Variants in RSPO2 observed in about 807,000 individuals in gnomAD.
RSPO2 encodes the protein R-spondin 2.
A neutral mutation model predicts 30.9 loss-of-function variants in RSPO2; 14 were observed. The ratio of observed to expected loss-of-function variants is 0.45; its 90% CI spans 0.30 to 0.71. The LOEUF (loss-of-function observed/expected upper bound fraction) is 0.71. Among genes scored for constraint, RSPO2 ranks in the 30% least tolerant of loss-of-function variants. The pLI, the probability that RSPO2 is intolerant of heterozygous loss-of-function variation, is 0.08. For missense variants in RSPO2, 264 were observed against 301.9 expected (o/e 0.87, Z 0.93); for synonymous variants, 107 against 96.4 (o/e 1.11, Z -0.64).
At chr8:108,019,210 C>T (rs997810135) in intron 2 of RSPO2, among the ~76,000 whole-genome samples, 5 of 151,890 alleles carry the variant, frequency 3.3e-5, no homozygotes, top group African/African-American at 7.3e-5. Context: ...AAAAATTATC[C>T]GGCTGTGGTG....
intron 2 of RSPO2, among the ~76,000 whole-genome samples, chr8:108,055,371 C>A (rs1812212413): frequency 6.6e-6 from 1 of 152,012 alleles, no homozygotes; most frequent in Admixed American, 6.6e-5. Context: ...GGCTTCCAGG[C>A]TAGGCGAGGA....
intron 5 of RSPO2, among the ~76,000 whole-genome samples, chr8:107,913,003 G>C (rs559771293): frequency 6.6e-6 from 1 of 152,144 alleles, no homozygotes; most frequent in South Asian, 2.1e-4. Context: ...TGATACATAA[G>C]AGCTGCACAT....
intron 2 of RSPO2, among the ~76,000 whole-genome samples, chr8:108,044,866 G>A (rs112280698): frequency 0.017 from 2,595 of 152,190 alleles, 39 homozygotes; most frequent in South Asian, 0.03. Context: ...TGGATAGCTG[G>A]TTAGCTATAT....
At chr8:108,082,066 C>T (rs528135594) in intron 2 of RSPO2, 9 of 225,442 alleles carry the variant, frequency 4.0e-5, no homozygotes, top group Non-Finnish European at 5.9e-5. Flanking sequence ...ACACCACACA[C>T]ACACTATGCT....
intron 2 of RSPO2, among the ~76,000 whole-genome samples, chr8:108,000,057 G>A (rs545646036): frequency 3.0e-4 from 46 of 152,246 alleles, no homozygotes; most frequent in African/African-American, 9.1e-4. Context: ...TAATTAAGAC[G>A]TCACAGGGCA....
intron 3 of RSPO2, among the ~76,000 whole-genome samples, chr8:107,978,846 CA>C (rs1180239262): frequency 6.6e-6 from 1 of 152,084 alleles, no homozygotes; most frequent in Admixed American, 6.5e-5. Flanking sequence ...AAAAAACAAA[CA>C]ACCCCATCAA....
chr8:107,916,422 A>C (rs910451034), intron 5 of RSPO2, among the ~76,000 whole-genome samples: 1 of 152,188 alleles, frequency 6.6e-6, no homozygotes. Context: ...GTACATAATT[A>C]AAATCACTTA....
At chr8:107,939,453 C>T (rs1024577460) in intron 5 of RSPO2, among the ~76,000 whole-genome samples, 25 of 147,096 alleles carry the variant, frequency 1.7e-4, no homozygotes, top group Admixed American at 8.3e-4. Context: ...TTACACCAAA[C>T]GACAATTTAA....
chr8:108,058,191 T>C (rs1029286255), intron 2 of RSPO2, among the ~76,000 whole-genome samples: 2 of 152,128 alleles, frequency 1.3e-5, no homozygotes, highest in African/African-American at 4.8e-5. Context: ...TCACAAGCAT[T>C]CTTATACACC....
chr8:107,980,264 G>C (rs920314496), intron 3 of RSPO2, among the ~76,000 whole-genome samples: 27 of 151,956 alleles, frequency 1.8e-4, no homozygotes, highest in African/African-American at 6.5e-4. Flanking sequence ...GCCCTGCCTA[G>C]TATATCAGCA....
intron 2 of RSPO2, among the ~76,000 whole-genome samples, chr8:108,055,245 G>A (rs908077595): frequency 1.3e-5 from 2 of 152,214 alleles, no homozygotes; most frequent in African/African-American, 4.8e-5. Context: ...AACAGCAAAT[G>A]CAAAGGTAAT....
intron 2 of RSPO2, among the ~76,000 whole-genome samples, chr8:108,038,582 A>T (rs1245730945): frequency 6.6e-6 from 1 of 152,192 alleles, no homozygotes; most frequent in Non-Finnish European, 1.5e-5. Context: ...ATTTCATTAA[A>T]GGAAGAGTCC....
intron 5 of RSPO2, among the ~76,000 whole-genome samples, chr8:107,932,139 A>G (rs1291472046): frequency 2.6e-5 from 4 of 152,198 alleles, no homozygotes; most frequent in Non-Finnish European, 5.9e-5. Context: ...ATAAATACCT[A>G]TTCTCCTAGA....
rs1009518725 is a variant in RSPO2 at position 107,982,908 on chromosome 8, T to C, written c.283+6148A>G. Among the ~76,000 whole-genome samples the C allele has an allele frequency of 2.6e-5, 4 of 152,184 alleles. No homozygotes were observed. In the East Asian group the frequency reaches 7.7e-4, roughly 29 times the overall value. On this transcript the variant is annotated intron_variant, in intron 3 of 5. Coordinates refer to ENST00000276659, the MANE Select transcript of RSPO2 (RefSeq NM_178565.5). ...AATGTCAATATTAATATACTATATT[T>C]TTTAGGTATTGTATTGTTTGGACAT...
chr8:108,040,012 T>C (rs1811704856), intron 2 of RSPO2, among the ~76,000 whole-genome samples: 1 of 152,180 alleles, frequency 6.6e-6, no homozygotes, highest in African/African-American at 2.4e-5. Context: ...TTTGGACTCC[T>C]GTGCCTCCAG....
At position 108,010,708 on chromosome 8, in the gene RSPO2, G is replaced by A. The variant is rs1014519340; in HGVS notation, c.95-21464C>T. 2.0e-5 allele frequency among the ~76,000 whole-genome samples: 3 copies of A among 152,066 alleles called. No homozygotes were observed. The South Asian group carries it at 6.2e-4, about 32-fold the overall frequency. On this transcript the variant is annotated intron_variant, in intron 2 of 5. Transcript: ENST00000276659. ...TAAGGTCAGCACACGCAGGGGACAG[G>A]AGCATCAGGATGATATGAGGTCTCC...
intron 2 of RSPO2, among the ~76,000 whole-genome samples, chr8:108,004,917 T>C (rs1815402338): frequency 6.6e-6 from 1 of 152,222 alleles, no homozygotes; most frequent in African/African-American, 2.4e-5. Flanking sequence ...ATGCCAACAA[T>C]GTCCTTTATA....
chr8:108,034,882 A>G (rs1312518132), intron 2 of RSPO2, among the ~76,000 whole-genome samples: 1 of 152,196 alleles, frequency 6.6e-6, no homozygotes, highest in Non-Finnish European at 1.5e-5. Flanking sequence ...GCACTCCTAC[A>G]CAGAAGCTAA....
chr8:108,022,346 A>G (rs1811084652), intron 2 of RSPO2, among the ~76,000 whole-genome samples: 1 of 152,190 alleles, frequency 6.6e-6, no homozygotes, highest in African/African-American at 2.4e-5. Flanking sequence ...CCCCTTTCTA[A>G]TAGTAGCACC....
Sources: gnomAD v4.1 joint callset for allele counts (sites outside exome capture counted in the v4.1 genomes callset) on GRCh38, gnomAD v4.1.1 for gene constraint, MANE v1.5 for transcripts, NCBI Gene and HGNC (gene_info 2026-07-23, HGNC 2026-07-21) for gene names.